Variants in LOC122539214 observed in about 807,000 individuals in gnomAD.
At chr19:52,690,287 A>C in the LOC122539214 span, among the ~76,000 whole-genome samples, 1 of 152,136 alleles carries the variant, frequency 6.6e-6, no homozygotes, top group East Asian at 1.9e-4. Flanking sequence ...CTTTAGACCC[A>C]AAAGGAAGCG....
chr19:52,684,817 C>T, the LOC122539214 span, among the ~76,000 whole-genome samples: 1 of 152,182 alleles, frequency 6.6e-6, no homozygotes, highest in Admixed American at 6.5e-5. Context: ...GTGACTGGGG[C>T]AGAGGGAGTC....
At chr19:52,654,645 A>G in the LOC122539214 span, among the ~76,000 whole-genome samples, 3 of 152,260 alleles carry the variant, frequency 2.0e-5, no homozygotes, top group South Asian at 6.2e-4. Context: ...TGAACCTAGG[A>G]GGCAGAGATT....
chr19:52,654,114 A>G, the LOC122539214 span: 4 of 1,605,242 alleles, frequency 2.5e-6, no homozygotes, highest in African/African-American at 2.7e-5. Context: ...GATGTGAATA[A>G]AAGCTTGATC....
chr19:52,687,181 CAA>C, the LOC122539214 span, among the ~76,000 whole-genome samples: 18 of 104,280 alleles, frequency 1.7e-4, no homozygotes, highest in Admixed American at 2.2e-4. Context: ...AACTCCATCT[CAA>C]AAAAAAAAAA....
At chr19:52,678,030 C>T in the LOC122539214 span, among the ~76,000 whole-genome samples, 1 of 146,494 alleles carries the variant, frequency 6.8e-6, no homozygotes, top group Non-Finnish European at 1.5e-5. Context: ...GTGAGACTGT[C>T]TCAAAAAACA....
At chr19:52,683,549 A>C in the LOC122539214 span, among the ~76,000 whole-genome samples, 18,529 of 133,978 alleles carry the variant, frequency 0.14, 1,642 homozygotes, top group East Asian at 0.35. Context: ...CCCTGCCCAT[A>C]ATGGCCAAAC....
the LOC122539214 span, among the ~76,000 whole-genome samples, chr19:52,676,115 C>T: frequency 6.6e-5 from 10 of 152,288 alleles, no homozygotes; most frequent in East Asian, 1.4e-3. Flanking sequence ...TGAGTGCCTG[C>T]AATTGCAGGC....
the LOC122539214 span, among the ~76,000 whole-genome samples, chr19:52,663,978 C>A: frequency 2.0e-5 from 3 of 152,178 alleles, no homozygotes; most frequent in Non-Finnish European, 2.9e-5. Flanking sequence ...CCTCCACCTC[C>A]CGGATTCAAG....
the LOC122539214 span, among the ~76,000 whole-genome samples, chr19:52,688,230 G>T: frequency 6.6e-6 from 1 of 152,036 alleles, no homozygotes; most frequent in Admixed American, 6.6e-5. Context: ...CAGTGCAGTG[G>T]CATGATCTTG....
the LOC122539214 span, among the ~76,000 whole-genome samples, chr19:52,670,222 G>A: frequency 2.0e-5 from 3 of 150,752 alleles, no homozygotes; most frequent in South Asian, 2.1e-4. Context: ...GACTCACTCC[G>A]ATTACCTGCT....
At chr19:52,676,159 T>C in the LOC122539214 span, among the ~76,000 whole-genome samples, 1 of 152,188 alleles carries the variant, frequency 6.6e-6, no homozygotes, top group African/African-American at 2.4e-5. Context: ...TTTCGTATTT[T>C]TTTGGTGGAG....
the LOC122539214 span, among the ~76,000 whole-genome samples, chr19:52,679,381 TG>T: frequency 1.3e-5 from 2 of 151,998 alleles, no homozygotes; most frequent in Non-Finnish European, 2.9e-5. Flanking sequence ...GAAGCCAAGG[TG>T]GGTGGGTCAC....
At chr19:52,689,441 C>G in the LOC122539214 span, among the ~76,000 whole-genome samples, 408 of 151,854 alleles carry the variant, frequency 2.7e-3, 2 homozygotes, top group African/African-American at 9.0e-3. Context: ...CCCTGCTGTG[C>G]TTCTCCCTCT....
chr19:52,656,230 A>C, the LOC122539214 span, among the ~76,000 whole-genome samples: 26,504 of 146,002 alleles, frequency 0.18, 2,370 homozygotes, highest in Middle Eastern at 0.23. Flanking sequence ...CTCTCTCTAT[A>C]TATATATATA....
the LOC122539214 span, chr19:52,653,432 G>A: frequency 6.7e-5 from 54 of 800,538 alleles, no homozygotes; most frequent in East Asian, 6.1e-4. Context: ...CTGTTATGGC[G>A]TGAAAGGCAT....
At chr19:52,666,731 C>T in the LOC122539214 span, among the ~76,000 whole-genome samples, 1 of 151,754 alleles carries the variant, frequency 6.6e-6, no homozygotes, top group Non-Finnish European at 1.5e-5. Flanking sequence ...CTGAAAATTC[C>T]ATTAACCCAG....
At chr19:52,652,943 T>G in the LOC122539214 span, 1 of 1,225,662 alleles carries the variant, frequency 8.2e-7, no homozygotes, top group Admixed American at 1.7e-5. Context: ...AAGGATGACA[T>G]ATGACTGAAG....
the LOC122539214 span, chr19:52,651,579 A>T: frequency 6.6e-6 from 1 of 151,442 alleles, no homozygotes; most frequent in Non-Finnish European, 1.5e-5. Context: ...GCTACTTGGG[A>T]GGCTTAGAAA....
At chr19:52,689,299 C>T in the LOC122539214 span, among the ~76,000 whole-genome samples, 1 of 152,262 alleles carries the variant, frequency 6.6e-6, no homozygotes, top group Middle Eastern at 3.4e-3. Context: ...CTCCATTCTT[C>T]AGTTTCCCCT....
Sources: allele counts gnomAD v4.1 joint callset (sites outside exome capture counted in the v4.1 genomes callset), GRCh38; gene constraint gnomAD v4.1.1; transcripts MANE v1.5.